The following PPFIA2 variants were observed in gnomAD, a reference collection of about 807,000 sequenced individuals.
PPFIA2 encodes PPFI scaffold protein A2, also known as liprin-alpha-2.
In PPFIA2, 46 loss-of-function variants were observed where a neutral mutation model predicts 175.5. The ratio of observed to expected loss-of-function variants is 0.26; its 90% CI spans 0.21 to 0.34. PPFIA2 has a LOEUF of 0.34. Among genes scored for constraint, PPFIA2 ranks in the 10% least tolerant of loss-of-function variants. The pLI is 1.00. For missense variants in PPFIA2, 1,179 were observed against 1,506.1 expected, an observed-to-expected ratio of 0.78 and a Z score of 3.60; for synonymous variants, 568 against 511.4, an observed-to-expected ratio of 1.11 and a Z score of -1.49.
intron 4 of PPFIA2, among the ~76,000 whole-genome samples, chr12:81,589,825 A>G (rs1376192894): frequency 6.6e-6 from 1 of 152,030 alleles, no homozygotes; most frequent in Non-Finnish European, 1.5e-5. Context: ...TTTAAAAGCT[A>G]CTGAATTGTT....
At chr12:81,518,131 C>T (rs1443211854) in intron 4 of PPFIA2, among the ~76,000 whole-genome samples, 1 of 152,046 alleles carries the variant, frequency 6.6e-6, no homozygotes, top group Non-Finnish European at 1.5e-5. Flanking sequence ...ACAAAAAATG[C>T]CCCAGATTTA....
At chr12:81,584,239 A>C (rs2153431980) in intron 4 of PPFIA2, among the ~76,000 whole-genome samples, 1 of 152,040 alleles carries the variant, frequency 6.6e-6, no homozygotes, top group African/African-American at 2.4e-5. Context: ...ATTTAACATT[A>C]AACAAAATTG....
intron 4 of PPFIA2, among the ~76,000 whole-genome samples, chr12:81,670,753 T>A (rs1202672309): frequency 1.3e-5 from 2 of 151,966 alleles, no homozygotes; most frequent in African/African-American, 2.4e-5. Flanking sequence ...TTAAATACAA[T>A]GAACATAGTT....
intron 4 of PPFIA2, among the ~76,000 whole-genome samples, chr12:81,537,824 G>A (rs539203839): frequency 2.6e-4 from 39 of 151,936 alleles, no homozygotes; most frequent in African/African-American, 9.4e-4. Flanking sequence ...AGCTCTAAGG[G>A]AGAAGAGAAC....
intron 11 of PPFIA2, among the ~76,000 whole-genome samples, chr12:81,369,667 A>G (rs1009936761): frequency 6.6e-6 from 1 of 151,828 alleles, no homozygotes; most frequent in African/African-American, 2.4e-5. Flanking sequence ...CTTCCATAAC[A>G]TATTGATAAT....
At chr12:81,383,446 G>A (rs1006592496) in intron 9 of PPFIA2, among the ~76,000 whole-genome samples, 8 of 151,736 alleles carry the variant, frequency 5.3e-5, no homozygotes, top group African/African-American at 1.9e-4. Flanking sequence ...TTTTTTTTTA[G>A]TAACTTAAAG....
At chr12:81,512,359 A>G (rs952800632) in intron 4 of PPFIA2, 2 of 1,288,320 alleles carry the variant, frequency 1.6e-6, no homozygotes, top group Non-Finnish European at 2.0e-6. Flanking sequence ...AGCCAAAACA[A>G]ATTACTTACA....
intron 4 of PPFIA2, among the ~76,000 whole-genome samples, chr12:81,493,269 C>A (rs1406585946): frequency 1.3e-5 from 2 of 151,948 alleles, no homozygotes; most frequent in South Asian, 4.2e-4. Context: ...GTACTTAAAT[C>A]TCTAATTCAG....
intron 8 of PPFIA2, among the ~76,000 whole-genome samples, chr12:81,387,264 T>C (rs2039182975): frequency 6.6e-6 from 1 of 152,156 alleles, no homozygotes; most frequent in Non-Finnish European, 1.5e-5. Flanking sequence ...ACTTTTATTT[T>C]AATGTGACAC....
chr12:81,405,209 G>A (rs1005356349), intron 8 of PPFIA2, among the ~76,000 whole-genome samples: 3 of 152,074 alleles, frequency 2.0e-5, no homozygotes, highest in Admixed American at 6.6e-5. Context: ...TATAAAAAAT[G>A]TAAAAGTCCC....
intron 4 of PPFIA2, among the ~76,000 whole-genome samples, chr12:81,559,831 C>T (rs2153387786): frequency 6.7e-6 from 1 of 148,780 alleles, no homozygotes; most frequent in East Asian, 2.0e-4. Flanking sequence ...TGTTTTTTTG[C>T]AATCTTCTGT....
At chr12:81,514,894 C>T (rs540381457) in intron 4 of PPFIA2, among the ~76,000 whole-genome samples, 368 of 151,932 alleles carry the variant, frequency 2.4e-3, no homozygotes, top group African/African-American at 8.4e-3. Context: ...GTCACTTATG[C>T]TTTTATTATA....
intron 24 of PPFIA2, chr12:81,292,492 C>T (rs1036416235): frequency 1.3e-5 from 2 of 152,094 alleles, no homozygotes; most frequent in Non-Finnish European, 2.9e-5. Context: ...AGGATAAAGG[C>T]ATTTATGATG....
rs762675207 is a variant in PPFIA2, at chr12:81,375,800, C to T, written c.1127G>A (p.Arg376Gln). 2.5e-6 allele frequency: 4 copies of T among 1,605,866 alleles called. No individual in the cohort carries two copies. Among genetic ancestry groups the T allele is most frequent in the Non-Finnish European group, 3.4e-6 (4 of 1,173,348 alleles). Reference sequence around the variant, plus strand: ...ACCAAGACAGAGATACTGAACCTGCCGCAGGATAGCTTCTTTATTTGCTAA... The same window carrying T: ...ACCAAGACAGAGATACTGAACCTGCTGCAGGATAGCTTCTTTATTTGCTAA... Reference protein sequence around the residue: ...NELANKEAILRQMEEKNRQLQ... With the variant: ...NELANKEAILQQMEEKNRQLQ... Residue 376 changes from arginine to glutamine, a missense_variant, in exon 10 of 33, where the codon CGG becomes CAG. Physicochemically the swap from Arg to Gln is conservative, Grantham distance 43. Transcript: ENST00000549396.
chr12:81,666,046 C>A (rs1350862620), intron 4 of PPFIA2, among the ~76,000 whole-genome samples: 2 of 152,072 alleles, frequency 1.3e-5, no homozygotes, highest in Non-Finnish European at 2.9e-5. Flanking sequence ...AAATGCAAAT[C>A]AAAACCACAA....
intron 4 of PPFIA2, among the ~76,000 whole-genome samples, chr12:81,591,513 G>A (rs192232939): frequency 1.3e-5 from 2 of 152,246 alleles, no homozygotes; most frequent in East Asian, 1.9e-4. Context: ...CCCTCTCATC[G>A]CAGGCCCAGA....
intron 9 of PPFIA2, among the ~76,000 whole-genome samples, chr12:81,383,355 T>G (rs1406632478): frequency 1.3e-5 from 2 of 151,994 alleles, no homozygotes; most frequent in Non-Finnish European, 2.9e-5. Flanking sequence ...ACTGAAAAGG[T>G]GAAAAAGTGA....
At chr12:81,354,102 C>T (rs558160986) in intron 16 of PPFIA2, among the ~76,000 whole-genome samples, 12 of 152,274 alleles carry the variant, frequency 7.9e-5, no homozygotes, top group Non-Finnish European at 1.5e-4. Context: ...GGTGGAAGGT[C>T]TTGCCTTGAT....
chr12:81,657,562 C>A (rs1054327245), intron 4 of PPFIA2, among the ~76,000 whole-genome samples: 2 of 152,124 alleles, frequency 1.3e-5, no homozygotes, highest in African/African-American at 2.4e-5. Context: ...TTAGGCTACA[C>A]AGTCACAGGG....
Sources: gnomAD v4.1 joint callset for allele counts (sites outside exome capture counted in the v4.1 genomes callset) on GRCh38, gnomAD v4.1.1 for gene constraint, MANE v1.5 for transcripts, NCBI Gene and HGNC (gene_info 2026-07-23, HGNC 2026-07-21) for gene names.